TMEM63B: variants seen among roughly 807,000 people sequenced by gnomAD.
The protein encoded by TMEM63B is transmembrane protein 63B.
Under a neutral mutation model 102.6 loss-of-function variants are expected in TMEM63B, and 23 were observed. The observed-to-expected ratio is 0.22, with a 90% confidence interval of 0.16 to 0.32. The LOEUF (loss-of-function observed/expected upper bound fraction) is 0.32. Among genes scored for constraint, TMEM63B ranks in the 10% least tolerant of loss-of-function variants. The probability of loss-of-function intolerance (pLI) is 1.00; values close to 1 mark genes in which losing one functional copy is unlikely to be tolerated. For missense variants in TMEM63B, 628 were observed against 1,095.9 expected, an observed-to-expected ratio of 0.57 and a Z score of 6.03; for synonymous variants, 444 against 437.0, an observed-to-expected ratio of 1.02 and a Z score of -0.20.
Position 44,153,715 on chromosome 6 carries a change from A to G in TMEM63B, c.1982A>G (p.Tyr661Cys), listed in dbSNP as rs577612154. ...CTGCTGAAGCACCTGGTAGACAGGT[A>G]CAATCTCTACTACGCCTACCTGCCG... ...YMLLKHLVDR[Y>C]NLYYAYLPAK... Residue 661 changes from tyrosine to cysteine, a missense_variant, in exon 21 of 24, where the codon TAC (tyrosine) becomes TGC (cysteine). Around this residue, in one of 6 missense-constraint regions of TMEM63B, gnomAD observed 90 missense variants for 136.7 expected, o/e 0.66. Coordinates refer to ENST00000323267, the MANE Select transcript of TMEM63B (RefSeq NM_018426.3). 1 of 1,614,122 alleles carries G rather than the reference A, an allele frequency of 6.2e-7. No homozygotes were observed. Among genetic ancestry groups the G allele is most frequent in the Admixed American group, 1.7e-5 (1 of 60,030 alleles).
rs1214350065 is a variant in TMEM63B at position 44,129,482 on chromosome 6, C to CTTCCTGGT, written c.-25+1805_-25+1812dup. On this transcript the variant is annotated intron_variant, in intron 1 of 23. Transcript: ENST00000323267. Reference sequence around the variant, plus strand: ...TAACAGAAGTAAAGAGCTTGGCATCCTTCCTGGTAATTGATCAATAATGGG... The same window carrying CTTCCTGGT: ...TAACAGAAGTAAAGAGCTTGGCATCCTTCCTGGTTTCCTGGTAATTGATCAATAATGGG... 2.6e-5 allele frequency among the ~76,000 whole-genome samples: 4 copies of CTTCCTGGT among 152,230 alleles called. No individual in the cohort carries two copies. The East Asian group carries it at 7.7e-4, about 29-fold the overall frequency.
intron 1 of TMEM63B, among the ~76,000 whole-genome samples, chr6:44,131,356 G>A (rs922641932): frequency 2.0e-5 from 3 of 152,070 alleles, no homozygotes; most frequent in East Asian, 1.9e-4. Context: ...AACAGAGCTC[G>A]CTTCCATCTT....
chr6:44,142,160 G>A lies in TMEM63B; in HGVS notation c.782+1062G>A, dbSNP rs1349250810. Among the ~76,000 whole-genome samples the A allele has an allele frequency of 3.3e-5, 5 of 151,796 alleles. No individual in the cohort carries two copies. In the East Asian group the frequency reaches 9.7e-4, roughly 29 times the overall value. On this transcript the variant is annotated intron_variant, in intron 10 of 23. Transcript: ENST00000323267. ...TAAAAAATAGAAGAGGCCAGGCACGGTGGCTCACGCCTGTAATCCCAACAC... is the reference window on the plus strand; with the variant it reads ...TAAAAAATAGAAGAGGCCAGGCACGATGGCTCACGCCTGTAATCCCAACAC...
At chr6:44,138,711 T>A in intron 6 of TMEM63B, 194 bp downstream of exon 6, 1 of 459,374 alleles carries the variant, frequency 2.2e-6, no homozygotes, top group Non-Finnish European at 4.0e-6. Context: ...CTTGACCCCA[T>A]AATCTCCTCT....
intron 5 of TMEM63B, 84 bp downstream of exon 5, chr6:44,136,523 G>GTGGA: frequency 3.1e-6 from 3 of 964,234 alleles, no homozygotes; most frequent in Non-Finnish European, 3.2e-6. Context: ...TTTCAGTGAT[G>GTGGA]TGGAGTCAGG....
chr6:44,134,185 TC>T (rs1762474446), intron 1 of TMEM63B, among the ~76,000 whole-genome samples: 1 of 152,100 alleles, frequency 6.6e-6, no homozygotes, highest in South Asian at 2.1e-4. Context: ...CTCCCTGTCT[TC>T]CCAGGCTCAG....
Position 44,148,559 on chromosome 6 carries a change from C to T in TMEM63B, c.1168C>T (p.Arg390Cys), listed in dbSNP as rs745439520. The T allele has an allele frequency of 1.9e-6, 3 of 1,614,214 alleles. No individual in the cohort carries two copies. The highest frequency in any genetic ancestry group is 1.3e-5 in the African/African-American group (1 of 75,052). ...NVCKCQGCTCRGEPRPSSCSE... is the reference protein window; with the variant it reads ...NVCKCQGCTCCGEPRPSSCSE... ...GTGTAAATGCCAGGGCTGCACCTGC[C>T]GTGGGGAGCCACGCCCCTCATCCTG... Residue 390 changes from arginine (R) to cysteine (C), a missense_variant, in exon 14 of 24, where the codon CGT (arginine) becomes TGT (cysteine). By Grantham distance (180) the Arg-to-Cys change is radical. This residue lies in a region of TMEM63B where 336 missense variants were observed against 580.3 expected (regional missense o/e 0.58). Transcript: ENST00000323267. This position sits in a 1 kb window ranked among gnomAD's most constrained non-coding sequence, Gnocchi z 5.1.
rs542227683 is a variant in TMEM63B at position 44,155,017 on chromosome 6, T to C, written c.*134T>C. 2.8e-4 allele frequency: 252 copies of C among 897,950 alleles called. 1 individual carries two copies. In the African/African-American group the frequency reaches 2.9e-3, roughly 10 times the overall value. The allele number at this position is 897,950 out of a possible 1,614,324, so 55.6% of individuals were successfully genotyped here. ...CCTGCTTTCATTAAGGTATTTAAAC[T>C]TGGGGGTTTCACTGCTCTCCCCCAT... On this transcript the variant is annotated 3_prime_UTR_variant, in exon 24 of 24. Coordinates refer to ENST00000323267, the MANE Select transcript of TMEM63B (RefSeq NM_018426.3).
chr6:44,129,517 C>G (rs1054159559), intron 1 of TMEM63B, among the ~76,000 whole-genome samples: 3 of 152,168 alleles, frequency 2.0e-5, no homozygotes, highest in Admixed American at 6.5e-5. Context: ...GTTATCATCT[C>G]TGAACTTCTG....
At chr6:44,145,755 A>G (rs2128249222) in intron 10 of TMEM63B, among the ~76,000 whole-genome samples, 1 of 152,290 alleles carries the variant, frequency 6.6e-6, no homozygotes, top group Non-Finnish European at 1.5e-5. Context: ...GGGCAATACA[A>G]CAAGACCCCA....
Position 44,147,362 on chromosome 6 carries a change from A to C in TMEM63B, c.864-15A>C. 1 of 1,614,124 alleles carries C rather than the reference A, an allele frequency of 6.2e-7. No individual in the cohort carries two copies. The highest frequency in any genetic ancestry group is 8.5e-7 in the Non-Finnish European group (1 of 1,179,988). On this transcript the variant is annotated splice_polypyrimidine_tract_variant and intron_variant, in intron 11 of 23. Transcript: ENST00000323267. Reference sequence around the variant, plus strand: ...CAGCCCCAGATGTAGGTGACCAGGCATCTGGGTCCCACAGGAAGAAGGCCG... The same window carrying C: ...CAGCCCCAGATGTAGGTGACCAGGCCTCTGGGTCCCACAGGAAGAAGGCCG...
chr6:44,127,581 C>G lies in TMEM63B; in HGVS notation c.-122C>G, dbSNP rs1317557272. 2 of 138,574 alleles carry G rather than the reference C, an allele frequency of 1.4e-5. No individual in the cohort carries two copies. 8.6% of individuals were successfully genotyped at this position (138,574 alleles called of 1,614,324 possible). ...ACACTGCCGCGGCCGCCGCAGGAGC[C>G]CGGAGCTCGAGCCGCCCAGCGACTC... On this transcript the variant is annotated 5_prime_UTR_variant, in exon 1 of 24. Transcript: ENST00000323267.
intron 5 of TMEM63B, among the ~76,000 whole-genome samples, chr6:44,137,627 C>T (rs1467714081): frequency 1.3e-5 from 2 of 152,084 alleles, no homozygotes; most frequent in Non-Finnish European, 2.9e-5. Context: ...GTGCCCTCTG[C>T]GCAGCCCTCC....
intron 1 of TMEM63B, among the ~76,000 whole-genome samples, chr6:44,132,096 C>T (rs2128221377): frequency 6.6e-6 from 1 of 152,330 alleles, no homozygotes; most frequent in East Asian, 1.9e-4. Flanking sequence ...GAGCTGCCAG[C>T]CCAGGCTCCA....
intron 18 of TMEM63B, among the ~76,000 whole-genome samples, chr6:44,151,492 G>T (rs377231021): frequency 9.9e-5 from 15 of 152,242 alleles, no homozygotes; most frequent in Middle Eastern, 3.4e-3. Flanking sequence ...TGGTCTAAGT[G>T]GGGGAATCTT....
In TMEM63B at chr6:44,152,049, CT is replaced by C. The variant is rs1766775447; in HGVS notation, c.1836+42del. 3 of 1,546,120 alleles carry C rather than the reference CT, an allele frequency of 1.9e-6. No homozygotes were observed. Among genetic ancestry groups the C allele is most frequent in the Non-Finnish European group, 2.6e-6 (3 of 1,149,978 alleles). ...GCAGCAGCGGCCCGCACAGCGCCCC[CT>C]GGTGGCCCAACAAGAAACAGCAGCC... On this transcript the variant is annotated intron_variant, in intron 19 of 23. Transcript: ENST00000323267. The surrounding 1 kb of genome is among the most constrained non-coding windows in gnomAD (Gnocchi z 6.4).
At position 44,154,733 on chromosome 6, in the gene TMEM63B, G is replaced by T; in HGVS notation, c.2349G>T (p.Gly783=). ...TGCTGCAGGACTCAGAGGTGGACGG[G>T]GATGGGGATGGGGCTCCTGGGAGCT... ...AQVLQDSEVD[G]DGDGAPGSSG... Residue 783 remains glycine, a synonymous_variant, in exon 24 of 24, where the codon GGG becomes GGT. Transcript: ENST00000323267. The T allele has an allele frequency of 1.9e-6, 3 of 1,585,456 alleles. No homozygotes were observed. The highest frequency in any genetic ancestry group is 1.2e-5 in the South Asian group (1 of 86,942).
chr6:44,152,764 C>G lies in TMEM63B; in HGVS notation c.1942+66C>G. 1 of 1,382,196 alleles carries G rather than the reference C, an allele frequency of 7.2e-7. No homozygotes were observed. The highest frequency in any genetic ancestry group is 1.2e-5 in the South Asian group (1 of 85,518). The allele number at this position is 1,382,196 out of a possible 1,614,324, so 85.6% of individuals were successfully genotyped here. A position where few individuals can be genotyped will look rare whatever the true frequency, so the allele number is the denominator to read the frequency against. On this transcript the variant is annotated intron_variant, in intron 20 of 23. Coordinates refer to ENST00000323267, the MANE Select transcript of TMEM63B (RefSeq NM_018426.3). This position sits in a 1 kb window ranked among gnomAD's most constrained non-coding sequence, Gnocchi z 6.4. ...GACCCAGGACTTCACCCTCTCCACT[C>G]TAGGAATGCAGGCCACCCCGAGTGG...
At chr6:44,128,126 G>A (rs774840353) in intron 1 of TMEM63B, among the ~76,000 whole-genome samples, 1 of 152,174 alleles carries the variant, frequency 6.6e-6, no homozygotes, top group African/African-American at 2.4e-5. Flanking sequence ...TGCCTTCTGT[G>A]CCTTTTATTT....
Sources: allele counts gnomAD v4.1 joint callset (sites outside exome capture counted in the v4.1 genomes callset), GRCh38; gene constraint gnomAD v4.1.1; regional missense constraint gnomAD v4.1.1; non-coding constraint Gnocchi (gnomAD v3.1); transcripts MANE v1.5; gene names NCBI Gene and HGNC (gene_info 2026-07-23, HGNC 2026-07-21).